The following MSRB2 variants were observed in gnomAD, a reference collection of about 807,000 sequenced individuals.
MSRB2 encodes the protein methionine sulfoxide reductase B2.
A neutral mutation model predicts 19.0 loss-of-function variants in MSRB2; 17 were observed. The ratio of observed to expected loss-of-function variants is 0.89; its 90% CI spans 0.61 to 1.34. MSRB2 has a LOEUF of 1.34. MSRB2 is among the 40% of genes most tolerant of loss of function. MSRB2 has a pLI of 0.00. For missense variants in MSRB2, 208 were observed against 237.6 expected, an observed-to-expected ratio of 0.88 and a Z score of 0.82; for synonymous variants, 107 against 99.7, an observed-to-expected ratio of 1.07 and a Z score of -0.44.
intron 1 of MSRB2, among the ~76,000 whole-genome samples, chr10:23,098,001 CAA>C (rs1451499524): frequency 6.6e-6 from 1 of 151,786 alleles, no homozygotes; most frequent in Non-Finnish European, 1.5e-5. Flanking sequence ...TCCAGATTGA[CAA>C]AGAGCAAACT....
rs1840169473 is a variant in MSRB2, at chr10:23,120,486, A to G, written c.445-272A>G. Among the ~76,000 whole-genome samples the G allele has an allele frequency of 4.6e-5, 7 of 152,226 alleles. No individual in the cohort carries two copies. In the South Asian group the frequency reaches 1.5e-3, roughly 32 times the overall value. On this transcript the variant is annotated intron_variant, in intron 4 of 4. Coordinates refer to ENST00000376510, the MANE Select transcript of MSRB2 (RefSeq NM_012228.4). ...AATTGTCCCCACAGCTCTCTTATGT[A>G]GGTATGATAATTATCCCCATTTTTA...
chr10:23,107,730 A>T (rs1278530306), intron 2 of MSRB2, among the ~76,000 whole-genome samples: 1 of 152,152 alleles, frequency 6.6e-6, no homozygotes, highest in Admixed American at 6.5e-5. Flanking sequence ...TTGAGTGCAG[A>T]AACTGTTTTG....
chr10:23,103,929 T>A (rs1353917742), intron 1 of MSRB2, among the ~76,000 whole-genome samples: 2 of 152,224 alleles, frequency 1.3e-5, no homozygotes, highest in Admixed American at 6.5e-5. Flanking sequence ...AAACTGGCTC[T>A]CTACTTCTTG....
At chr10:23,098,021 G>A (rs930143173) in intron 1 of MSRB2, among the ~76,000 whole-genome samples, 5 of 152,134 alleles carry the variant, frequency 3.3e-5, no homozygotes, top group African/African-American at 1.2e-4. Flanking sequence ...ACTGAAAAAG[G>A]AAAGTAAGAA....
chr10:23,120,667 G>A (rs892870493), intron 4 of MSRB2, 91 bp from the exon 5 acceptor site: 7 of 859,272 alleles, frequency 8.1e-6, no homozygotes, highest in Non-Finnish European at 9.2e-6. Context: ...AGACTCCGGA[G>A]TGGAGTGATT....
In MSRB2 at chr10:23,110,326, A is replaced by G. The variant is rs780818166; in HGVS notation, c.296+8A>G. 1 of 1,612,208 alleles carries G rather than the reference A, an allele frequency of 6.2e-7. No individual in the cohort carries two copies. The highest frequency in any genetic ancestry group is 8.5e-7 in the Non-Finnish European group (1 of 1,178,466). ...CGACAGTCCACTCTTCAGGTAAGAT[A>G]AAGAATTGAGAGCCACGGAAGGAGA... On this transcript the variant is annotated splice_region_variant and intron_variant, in intron 3 of 4. Coordinates refer to ENST00000376510, the MANE Select transcript of MSRB2 (RefSeq NM_012228.4).
intron 3 of MSRB2, among the ~76,000 whole-genome samples, chr10:23,113,908 T>C (rs1840081560): frequency 6.6e-6 from 1 of 152,166 alleles, no homozygotes; most frequent in African/African-American, 2.4e-5. Flanking sequence ...TCTTCAAGAT[T>C]GTGAGAGAGT....
At position 23,095,623 on chromosome 10, in the gene MSRB2, C is replaced by G. The variant is rs1030967116; in HGVS notation, c.15C>G (p.Leu5=). 6.1e-6 allele frequency: 9 copies of G among 1,476,150 alleles called. No individual in the cohort carries two copies. The highest frequency in any genetic ancestry group is 1.5e-5 in the African/African-American group (1 of 68,172). The allele number at this position is 1,476,150 out of a possible 1,614,324, so 91.4% of individuals were successfully genotyped here. The change falls in exon 1 of 5, where the codon CTC becomes CTG. Residue 5 remains leucine (L), a synonymous_variant. Coordinates refer to ENST00000376510, the MANE Select transcript of MSRB2 (RefSeq NM_012228.4). ...GAGCGGGCGTCATGGCGCGGCTCCT[C>G]TGGTTGCTCCGGGGCCTGACCCTCG... MARL[L]WLLRGLTLGT...
At chr10:23,110,548 T>C (rs1316695875) in intron 3 of MSRB2, among the ~76,000 whole-genome samples, 1 of 152,218 alleles carries the variant, frequency 6.6e-6, no homozygotes, top group African/African-American at 2.4e-5. Flanking sequence ...TCTTAGCTTA[T>C]ATTCTTCCTT....
chr10:23,109,712 G>T (rs916343187), intron 2 of MSRB2, among the ~76,000 whole-genome samples: 2 of 152,206 alleles, frequency 1.3e-5, no homozygotes, highest in Admixed American at 1.3e-4. Context: ...GGGCACTGAG[G>T]GGGTGGGGAA....
At chr10:23,113,192 T>C (rs1165448192) in intron 3 of MSRB2, among the ~76,000 whole-genome samples, 2 of 152,106 alleles carry the variant, frequency 1.3e-5, no homozygotes, top group Admixed American at 6.5e-5. Flanking sequence ...CAAAACTAAG[T>C]AGTTCTTTTA....
intron 4 of MSRB2, 31 bp downstream of exon 4, chr10:23,119,482 T>G (rs778051619): frequency 6.2e-7 from 1 of 1,605,026 alleles, no homozygotes; most frequent in Non-Finnish European, 8.5e-7. Context: ...TTACTTTCCC[T>G]GATGCTGCCC....
chr10:23,115,538 T>C (rs1335319390), intron 3 of MSRB2, among the ~76,000 whole-genome samples: 1 of 152,192 alleles, frequency 6.6e-6, no homozygotes, highest in Non-Finnish European at 1.5e-5. Context: ...TGCTGTTGGT[T>C]TGGGACCTGT....
chr10:23,110,786 G>A (rs1416544398), intron 3 of MSRB2, among the ~76,000 whole-genome samples: 1 of 152,064 alleles, frequency 6.6e-6, no homozygotes, highest in Non-Finnish European at 1.5e-5. Context: ...CTTGACAGTA[G>A]CGAATACCAT....
chr10:23,116,279 A>G (rs76746445), intron 3 of MSRB2, among the ~76,000 whole-genome samples: 262 of 152,298 alleles, frequency 1.7e-3, no homozygotes, highest in African/African-American at 6.2e-3. Flanking sequence ...ACAGCCTTCA[A>G]GGTGGCCATC....
At chr10:23,111,223 G>C (rs192292690) in intron 3 of MSRB2, among the ~76,000 whole-genome samples, 1 of 152,332 alleles carries the variant, frequency 6.6e-6, no homozygotes, top group African/African-American at 2.4e-5. Flanking sequence ...AGATGGGCAG[G>C]CCTTTGCCCG....
At chr10:23,119,253 T>C in intron 3 of MSRB2, 51 bp from the exon 4 acceptor site, 1 of 1,601,506 alleles carries the variant, frequency 6.2e-7, no homozygotes, top group Non-Finnish European at 8.6e-7. Context: ...CCTCTTGGCA[T>C]GTTAATGACA....
Position 23,121,145 on chromosome 10 carries a change from C to A in MSRB2, c.*283C>A. On this transcript the variant is annotated 3_prime_UTR_variant, in exon 5 of 5. Coordinates refer to ENST00000376510, the MANE Select transcript of MSRB2 (RefSeq NM_012228.4). The stretch of plus-strand genomic sequence containing the variant: ...ACAAAATTAAAAAGAAAAAAAAATA[C>A]CTGAGACTGAGTAACTTATAAAGAA... 1 of 363,792 alleles carries A rather than the reference C, an allele frequency of 2.7e-6. No individual in the cohort carries two copies. The highest frequency in any genetic ancestry group is 4.9e-6 in the Non-Finnish European group (1 of 202,960). 22.5% of individuals were successfully genotyped at this position (363,792 alleles called of 1,614,324 possible). A position where few individuals can be genotyped will look rare whatever the true frequency, so the allele number is the denominator to read the frequency against.
In MSRB2 at chr10:23,095,740, C is replaced by A; in HGVS notation, c.118+14C>A. 8.1e-7 allele frequency: 1 copy of A among 1,233,144 alleles called. No individual in the cohort carries two copies. The highest frequency in any genetic ancestry group is 1.0e-6 in the Non-Finnish European group (1 of 984,940). 76.4% of individuals were successfully genotyped at this position (1,233,144 alleles called of 1,614,324 possible). A position where few individuals can be genotyped will look rare whatever the true frequency, so the allele number is the denominator to read the frequency against. On this transcript the variant is annotated intron_variant, in intron 1 of 4. Transcript: ENST00000376510. ...TGGGGGAGGCAGGTAGGACGCGGGT[C>A]CCGCAGGCCCCGCCGCCGCCTACGG...
Sources: gnomAD v4.1 joint callset for allele counts (sites outside exome capture counted in the v4.1 genomes callset) on GRCh38, gnomAD v4.1.1 for gene constraint, MANE v1.5 for transcripts, NCBI Gene and HGNC (gene_info 2026-07-23, HGNC 2026-07-21) for gene names.